POLR3H: variants seen among roughly 807,000 people sequenced by gnomAD.
POLR3H encodes RNA polymerase III subunit H.
POLR3H carries 17 observed loss-of-function variants against 25.5 expected under a neutral mutation model. That is an observed-to-expected ratio of 0.67 (90% confidence interval 0.46 to 1.00). The LOEUF is 1.00. Among genes scored for constraint, POLR3H ranks in the 50% least tolerant of loss-of-function variants. The pLI is 0.00. For missense variants in POLR3H, 274 were observed against 265.0 expected, an observed-to-expected ratio of 1.03 and a Z score of -0.24; for synonymous variants, 129 against 103.0, an observed-to-expected ratio of 1.25 and a Z score of -1.53.
intron 5 of POLR3H, chr22:41,529,810 G>C (rs944815424): frequency 1.0e-4 from 42 of 415,990 alleles, no homozygotes; most frequent in Non-Finnish European, 1.4e-4. Flanking sequence ...GGCTGGAGTG[G>C]AGTGGCACGA....
intron 2 of POLR3H, chr22:41,533,809 T>C: frequency 2.5e-6 from 2 of 816,164 alleles, no homozygotes; most frequent in Non-Finnish European, 3.6e-6. Context: ...AAAAACCCTG[T>C]CCCCCACATG....
intron 1 of POLR3H, among the ~76,000 whole-genome samples, chr22:41,542,832 G>A (rs1208904915): frequency 3.3e-5 from 5 of 152,042 alleles, no homozygotes; most frequent in Admixed American, 6.6e-5. Context: ...GTGAAACCCC[G>A]TCTCTACTAA....
At chr22:41,531,749 G>A (rs2066740834) in intron 4 of POLR3H, among the ~76,000 whole-genome samples, 2 of 152,228 alleles carry the variant, frequency 1.3e-5, no homozygotes, top group Admixed American at 1.3e-4. Context: ...CATGCCTCCA[G>A]GGCAAGTGAT....
At position 41,530,699 on chromosome 22, in the gene POLR3H, C is replaced by T. The variant is rs572839105; in HGVS notation, c.549G>A (p.Pro183=). The T allele has an allele frequency of 1.9e-5, 30 of 1,612,950 alleles. No homozygotes were observed. The highest frequency in any genetic ancestry group is 1.8e-4 in the East Asian group (8 of 44,886). Residue 183 remains proline (P), a synonymous_variant, in exon 5 of 6, where the codon CCG becomes CCA. Coordinates refer to ENST00000355209, the MANE Select transcript of POLR3H (RefSeq NM_001018050.4). The part of the protein sequence containing the change: ...SSEELPKKEA[P]YTLVGSISEP... The stretch of plus-strand genomic sequence containing the variant: ...CAGAGCCACTCACCACAAGCGTGTA[C>T]GGAGCCTCCTTCTTTGGCAGCTCCT...
chr22:41,533,734 T>C (rs1274610794), intron 2 of POLR3H: 8 of 1,302,790 alleles, frequency 6.1e-6, no homozygotes, highest in Non-Finnish European at 8.1e-6. Context: ...TGAAGATGAC[T>C]GGGCCTTGTG....
At position 41,528,568 on chromosome 22, in the gene POLR3H, C is replaced by T. The variant is rs200490897; in HGVS notation, c.*715G>A. 7 of 1,613,064 alleles carry T rather than the reference C, an allele frequency of 4.3e-6. No individual in the cohort carries two copies. Among genetic ancestry groups the T allele is most frequent in the African/African-American group, 1.3e-5 (1 of 75,018 alleles). ...TCAACGAGACGCAGATTGAGTGGTT[C>T]CGCGCTGGCAGTGCCCTCAACAGAA... On this transcript the variant is annotated 3_prime_UTR_variant, in exon 6 of 6. Transcript: ENST00000355209.
rs1601936993 is a variant in POLR3H, at chr22:41,527,486, C to T, written c.*1797G>A. The T allele has an allele frequency of 6.5e-7, 1 of 1,544,898 alleles. No homozygotes were observed. Among genetic ancestry groups the T allele is most frequent in the Non-Finnish European group, 8.7e-7 (1 of 1,148,010 alleles). ...CTAGTGATCAAGGTCACTCTCCCTG[C>T]CCGTGGCTGAGTTGGGCCTGGTTCT... On this transcript the variant is annotated 3_prime_UTR_variant, in exon 6 of 6. Coordinates refer to ENST00000355209, the MANE Select transcript of POLR3H (RefSeq NM_001018050.4).
intron 2 of POLR3H, among the ~76,000 whole-genome samples, chr22:41,538,908 T>G (rs556533516): frequency 5.3e-5 from 8 of 152,248 alleles, no homozygotes; most frequent in Non-Finnish European, 8.8e-5. Flanking sequence ...CTGACCAGTA[T>G]GGACTACAGC....
Position 41,529,067 on chromosome 22 carries a change from AACAGCC to A in POLR3H, c.*210_*215del, listed in dbSNP as rs201286067. ...TTTCAGTCAAGGTCAGTGGAGGCCC[AACAGCC>A]ACAGCCACAGATGGATCCATCACTG... is the stretch of plus-strand genomic sequence containing the variant. On this transcript the variant is annotated 3_prime_UTR_variant, in exon 6 of 6. Transcript: ENST00000355209. 1.7e-3 allele frequency: 980 copies of A among 579,456 alleles called. 17 individuals carry two copies. In the East Asian group the frequency reaches 0.026, roughly 15 times the overall value. The allele number at this position is 579,456 out of a possible 1,614,324, so 35.9% of individuals were successfully genotyped here.
Position 41,527,752 on chromosome 22 carries a change from G to GGGAGC in POLR3H, c.*1526_*1530dup. ...CTTGCTAGGGGCACCCCTAGTGAAA[G>GGGAGC]GGAGCAGACCAGGGCCCCATAGTCA... On this transcript the variant is annotated 3_prime_UTR_variant, in exon 6 of 6. Transcript: ENST00000355209. 2 of 1,328,208 alleles carry GGGAGC rather than the reference G, an allele frequency of 1.5e-6. No individual in the cohort carries two copies. Among genetic ancestry groups the GGGAGC allele is most frequent in the Non-Finnish European group, 1.0e-6 (1 of 976,242 alleles). 82.3% of individuals were successfully genotyped at this position (1,328,208 alleles called of 1,614,324 possible). A position where few individuals can be genotyped will look rare whatever the true frequency, so the allele number is the denominator to read the frequency against.
At position 41,543,522 on chromosome 22, in the gene POLR3H, G is replaced by A. The variant is rs191379274; in HGVS notation, c.111+469C>T. 3.4e-3 allele frequency among the ~76,000 whole-genome samples: 525 copies of A among 152,234 alleles called. 2 individuals carry two copies. Among genetic ancestry groups the A allele is most frequent in the African/African-American group, 0.012 (498 of 41,522 alleles). ...AGTTGTCCCAGCTACTCGGGAGGCT[G>A]GGGCAGGAGAATCGCTTGAACCCGG... On this transcript the variant is annotated intron_variant, in intron 1 of 5. Coordinates refer to ENST00000355209, the MANE Select transcript of POLR3H (RefSeq NM_001018050.4).
rs1368805045 is a variant in POLR3H at position 41,544,134 on chromosome 22, G to A, written c.-33C>T. 2.1e-6 allele frequency: 3 copies of A among 1,428,072 alleles called. No homozygotes were observed. The highest frequency in any genetic ancestry group is 3.4e-5 in the Admixed American group (2 of 58,560). 88.5% of individuals were successfully genotyped at this position (1,428,072 alleles called of 1,614,324 possible). On this transcript the variant is annotated 5_prime_UTR_variant, in exon 1 of 6. Transcript: ENST00000355209. The stretch of plus-strand genomic sequence containing the variant: ...TGCGCTGGGGGCTCTGGGAACAGGA[G>A]GGTCAGTCACGCACCAGGGCCGGGG...
rs2146153155 is a variant in POLR3H, at chr22:41,527,846, T to C, written c.*1437A>G. ...CAGAGCCCCAGATGGGTTCAGAAAA[T>C]GAAGCTCTCCAGGCTAGTCAGGCCC... On this transcript the variant is annotated 3_prime_UTR_variant, in exon 6 of 6. Transcript: ENST00000355209. The C allele has an allele frequency of 6.2e-7, 1 of 1,613,190 alleles. No homozygotes were observed. The highest frequency in any genetic ancestry group is 1.7e-5 in the Admixed American group (1 of 59,934).
chr22:41,534,218 G>C (rs1364683218), intron 2 of POLR3H, among the ~76,000 whole-genome samples: 2 of 152,120 alleles, frequency 1.3e-5, no homozygotes, highest in Non-Finnish European at 2.9e-5. Context: ...GGGTGGGACA[G>C]CACATGATCC....
intron 2 of POLR3H, chr22:41,533,437 T>C (rs2066783073): frequency 1.9e-6 from 2 of 1,031,768 alleles, no homozygotes; most frequent in Admixed American, 4.1e-5. Context: ...GTTCCCACCG[T>C]GAGGATAAGG....
At chr22:41,533,772 G>A (rs1016529071) in intron 2 of POLR3H, 14 of 1,189,892 alleles carry the variant, frequency 1.2e-5, no homozygotes, top group African/African-American at 1.6e-5. Flanking sequence ...AGATGAGGGC[G>A]GCCAAGGGCC....
intron 1 of POLR3H, chr22:41,543,626 CAAA>C (rs1438195940): frequency 2.6e-6 from 1 of 381,998 alleles, no homozygotes; most frequent in African/African-American, 2.1e-5. Flanking sequence ...GTCTCAAAAA[CAAA>C]AAACAAAACA....
chr22:41,529,431 CA>C, intron 5 of POLR3H, 95 bp from the exon 6 acceptor site: 2 of 1,117,632 alleles, frequency 1.8e-6, no homozygotes. Context: ...CCAGCACAGG[CA>C]AAGAAGAGGC....
At chr22:41,532,309 C>G in intron 3 of POLR3H, 152 bp from the exon 4 acceptor site, 1 of 770,544 alleles carries the variant, frequency 1.3e-6, no homozygotes, top group Non-Finnish European at 2.2e-6. Flanking sequence ...CCACCTAATG[C>G]CTCTGCGTAC....
Sources: gnomAD v4.1 joint callset for allele counts (sites outside exome capture counted in the v4.1 genomes callset) on GRCh38, gnomAD v4.1.1 for gene constraint, MANE v1.5 for transcripts, NCBI Gene and HGNC (gene_info 2026-07-23, HGNC 2026-07-21) for gene names.